Variants in GRHL2 observed in about 807,000 individuals in gnomAD.
GRHL2 encodes the protein grainyhead-like protein 2 homolog.
Under a neutral mutation model 83.8 loss-of-function variants are expected in GRHL2, and 21 were observed. That is an observed-to-expected ratio of 0.25 (90% CI 0.18 to 0.36). The LOEUF is 0.36. GRHL2 is among the 10% of genes least tolerant of loss of function. The pLI is 1.00. For synonymous variants in GRHL2, 280 were observed against 278.9 expected (o/e 1.00, Z -0.04); for missense variants, 623 against 781.8 (o/e 0.80, Z 2.42).
At chr8:101,543,540 C>A in intron 2 of GRHL2, 104 bp downstream of exon 2, 6 of 1,051,058 alleles carry the variant, frequency 5.7e-6, no homozygotes, top group Non-Finnish European at 7.3e-6. Context: ...GAACTAATAG[C>A]ATTTCCAAAG....
rs113906811 is a variant in GRHL2, at chr8:101,614,518, A to G, written c.1099-5021A>G. 9.1e-5 allele frequency among the ~76,000 whole-genome samples: 13 copies of G among 143,200 alleles called. 1 individual carries two copies. The South Asian group carries it at 2.3e-3, about 25-fold the overall frequency. The allele number at this position is 143,200 out of a possible 152,430, so 93.9% of individuals were successfully genotyped here. On this transcript the variant is annotated intron_variant, in intron 8 of 15. Coordinates refer to ENST00000646743, the MANE Select transcript of GRHL2 (RefSeq NM_024915.4). ...GACAGATAGATTGTTCACGGCATTT[A>G]TACATCCTTTACATAATCAAGGCTT...
At chr8:101,532,858 G>A (rs998907135) in intron 1 of GRHL2, among the ~76,000 whole-genome samples, 2 of 151,978 alleles carry the variant, frequency 1.3e-5, no homozygotes, top group Admixed American at 1.3e-4. Flanking sequence ...AGAAAGAGGT[G>A]GGGGAGAGGA....
intron 12 of GRHL2, among the ~76,000 whole-genome samples, chr8:101,638,933 T>C (rs779810463): frequency 6.6e-6 from 1 of 152,220 alleles, no homozygotes; most frequent in Non-Finnish European, 1.5e-5. Flanking sequence ...GCCAGCTCCT[T>C]GATCTCTGGG....
intron 8 of GRHL2, among the ~76,000 whole-genome samples, chr8:101,599,415 T>C (rs1478452938): frequency 2.0e-5 from 3 of 152,198 alleles, no homozygotes; most frequent in South Asian, 2.1e-4. Flanking sequence ...AGATGGGGCC[T>C]GAAAACCTTT....
chr8:101,644,046 G>T, intron 12 of GRHL2, 85 bp from the exon 13 acceptor site: 1 of 1,210,996 alleles, frequency 8.3e-7, no homozygotes. Context: ...ATAAGCAAAG[G>T]GAAAGACAGA....
chr8:101,569,055 T>C (rs1811770851), intron 4 of GRHL2, among the ~76,000 whole-genome samples: 1 of 152,162 alleles, frequency 6.6e-6, no homozygotes, highest in Non-Finnish European at 1.5e-5. Flanking sequence ...TGTAAGTTTA[T>C]TGCACAGAAA....
chr8:101,620,820 C>T (rs562768688), intron 9 of GRHL2, among the ~76,000 whole-genome samples: 102 of 152,048 alleles, frequency 6.7e-4, no homozygotes, highest in Middle Eastern at 3.4e-3. Flanking sequence ...CTAGTGGATT[C>T]TAATTTGCCA....
chr8:101,615,406 T>A lies in GRHL2; in HGVS notation c.1099-4133T>A, dbSNP rs115772067. On this transcript the variant is annotated intron_variant, in intron 8 of 15. Transcript: ENST00000646743. ...TGTGATTGACATGTGGTTAAATCACTGAGCCAACCATGAATCTCAATAGCT... is the reference window on the plus strand; with the variant it reads ...TGTGATTGACATGTGGTTAAATCACAGAGCCAACCATGAATCTCAATAGCT... Among the ~76,000 whole-genome samples, 775 of 152,320 alleles carry A rather than the reference T, an allele frequency of 5.1e-3. 7 individuals carry two copies. The highest frequency in any genetic ancestry group is 0.017 in the African/African-American group (714 of 41,564).
chr8:101,582,388 G>A (rs1489895196), intron 7 of GRHL2, among the ~76,000 whole-genome samples: 1 of 152,138 alleles, frequency 6.6e-6, no homozygotes, highest in Non-Finnish European at 1.5e-5. Context: ...GGTTAAGGAA[G>A]GGAGTCCTCA....
At chr8:101,604,655 C>A (rs192438138) in intron 8 of GRHL2, among the ~76,000 whole-genome samples, 6 of 152,196 alleles carry the variant, frequency 3.9e-5, no homozygotes, top group Admixed American at 2.6e-4. Flanking sequence ...TTCACCCTTC[C>A]TTGGTTTATT....
chr8:101,681,116 C>A, the GRHL2 span, among the ~76,000 whole-genome samples: 4 of 148,900 alleles, frequency 2.7e-5, no homozygotes, highest in South Asian at 2.2e-4. Flanking sequence ...AAAAACCCTT[C>A]AAAAAATTAA....
chr8:101,591,893 T>G (rs1812290958), intron 7 of GRHL2, among the ~76,000 whole-genome samples: 1 of 152,152 alleles, frequency 6.6e-6, no homozygotes, highest in Non-Finnish European at 1.5e-5. Context: ...TGTTTCAGGA[T>G]GAGCTTCCAG....
chr8:101,632,252 C>T lies in GRHL2; in HGVS notation c.1372C>T (p.Pro458Ser). Residue 458 changes from proline (P) to serine (S), a missense_variant, in exon 11 of 16, where the codon CCT becomes TCT. Pro to Ser is a moderately conservative substitution (Grantham distance 74). Coordinates refer to ENST00000646743, the MANE Select transcript of GRHL2 (RefSeq NM_024915.4). ...SSSDGKLAAI[P>S]LQKKSDITYF... The stretch of plus-strand genomic sequence containing the variant: ...CTCTGATGGGAAGTTGGCTGCCATA[C>T]CTTTACAGAAGAAGAGTGACATCAC... 6.2e-7 allele frequency: 1 copy of T among 1,614,006 alleles called. No individual in the cohort carries two copies. Among genetic ancestry groups the T allele is most frequent in the Non-Finnish European group, 8.5e-7 (1 of 1,179,916 alleles).
chr8:101,555,423 G>A (rs1811470714), intron 3 of GRHL2, among the ~76,000 whole-genome samples: 1 of 152,074 alleles, frequency 6.6e-6, no homozygotes, highest in African/African-American at 2.4e-5. Context: ...ACCCAGTCAC[G>A]GTGGTCTCGT....
intron 1 of GRHL2, among the ~76,000 whole-genome samples, chr8:101,515,920 A>C (rs1421472916): frequency 6.6e-6 from 1 of 152,132 alleles, no homozygotes; most frequent in Non-Finnish European, 1.5e-5. Context: ...TCCATGGATA[A>C]CTCAATTCTC....
intron 1 of GRHL2, among the ~76,000 whole-genome samples, chr8:101,496,461 C>T (rs185720562): frequency 1.3e-5 from 2 of 152,064 alleles, no homozygotes; most frequent in East Asian, 3.9e-4. Flanking sequence ...ATACATATAC[C>T]CATTCACTTT....
chr8:101,517,096 C>T (rs372344841), intron 1 of GRHL2, among the ~76,000 whole-genome samples: 4 of 152,072 alleles, frequency 2.6e-5, no homozygotes, highest in Admixed American at 6.6e-5. Context: ...TGAGGACCGT[C>T]GCTTTGGCTC....
At chr8:101,593,105 C>G (rs1466844793) in intron 7 of GRHL2, among the ~76,000 whole-genome samples, 1 of 152,126 alleles carries the variant, frequency 6.6e-6, no homozygotes, top group East Asian at 1.9e-4. Context: ...TGCCACCACG[C>G]CTGGCTAATT....
intron 13 of GRHL2, among the ~76,000 whole-genome samples, chr8:101,645,183 A>G (rs2129674437): frequency 7.2e-6 from 1 of 139,176 alleles, no homozygotes; most frequent in African/African-American, 2.7e-5. Flanking sequence ...GCCAGGCTAA[A>G]GTGCAGTGGC....
Sources: gnomAD v4.1 joint callset for allele counts (sites outside exome capture counted in the v4.1 genomes callset) on GRCh38, gnomAD v4.1.1 for gene constraint, MANE v1.5 for transcripts, NCBI Gene and HGNC (gene_info 2026-07-23, HGNC 2026-07-21) for gene names.